The following TTI1 variants were observed in gnomAD, a reference collection of about 807,000 sequenced individuals.
TTI1 encodes the protein TELO2-interacting protein 1 homolog.
Under a neutral mutation model 85.4 loss-of-function variants are expected in TTI1, and 52 were observed. That is an observed-to-expected ratio of 0.61 (90% confidence interval 0.49 to 0.77). TTI1 has a LOEUF of 0.77. Among genes scored for constraint, TTI1 ranks in the 30% least tolerant of loss-of-function variants. The pLI, the probability that TTI1 is intolerant of heterozygous loss-of-function variation, is 0.00. For missense variants in TTI1, 1,173 were observed against 1,296.0 expected (o/e 0.91, Z 1.46); for synonymous variants, 512 against 503.9 (o/e 1.02, Z -0.22).
At position 38,013,809 on chromosome 20, in the gene TTI1, A is replaced by T; in HGVS notation, c.8T>A (p.Val3Asp). 6.2e-7 allele frequency: 1 copy of T among 1,610,264 alleles called. No individual in the cohort carries two copies. The highest frequency in any genetic ancestry group is 8.5e-7 in the Non-Finnish European group (1 of 1,178,068). ...AAAGGCCTCCTCAGGAGTATCAAAA[A>T]CTGCCATTGTGCAGCAGCCTTCCCC... Reference protein sequence around the residue: MAVFDTPEEAFGV... With the variant: MADFDTPEEAFGV... The change falls in exon 2 of 8, where the codon GTT (valine) becomes GAT (aspartate). Residue 3 changes from valine to aspartate, a missense_variant. Val to Asp is a radical substitution (Grantham distance 152). Coordinates refer to ENST00000373447, the MANE Select transcript of TTI1 (RefSeq NM_001303457.2).
At chr20:38,009,902 T>C (rs2073558267) in intron 2 of TTI1, among the ~76,000 whole-genome samples, 1 of 152,238 alleles carries the variant, frequency 6.6e-6, no homozygotes, top group Non-Finnish European at 1.5e-5. Flanking sequence ...AGAGAGGCCC[T>C]CCCTGACCAC....
chr20:38,002,531 T>C (rs2073439947), intron 4 of TTI1, 97 bp downstream of exon 4: 2 of 1,494,164 alleles, frequency 1.3e-6, no homozygotes, highest in East Asian at 4.6e-5. Context: ...GACCAGGAGA[T>C]AAGGGGAGCT....
chr20:38,002,159 C>T lies in TTI1; in HGVS notation c.2652+469G>A, dbSNP rs574467162. ...CTGCATCCTGTTATTGCAGTCACTA[C>T]TACATGCTTTCAGCCCTTGCTGATG... is the stretch of plus-strand genomic sequence containing the variant. On this transcript the variant is annotated intron_variant, in intron 4 of 7. Transcript: ENST00000373447. Among the ~76,000 whole-genome samples the T allele has an allele frequency of 6.6e-5, 10 of 152,284 alleles. No homozygotes were observed. In the South Asian group the frequency reaches 2.1e-3, roughly 32 times the overall value.
chr20:38,028,623 T>C lies in TTI1; in HGVS notation c.-42+4781A>G, dbSNP rs183794529. Among the ~76,000 whole-genome samples, 170 of 152,322 alleles carry C rather than the reference T, an allele frequency of 1.1e-3. 1 individual carries two copies. Among genetic ancestry groups the C allele is most frequent in the Non-Finnish European group, 2.0e-3 (139 of 68,032 alleles). ...ACTAGACCAAAAATCCACAAGGATATAGAAAAACCACCACCATCAACCAAC... is the reference window on the plus strand; with the variant it reads ...ACTAGACCAAAAATCCACAAGGATACAGAAAAACCACCACCATCAACCAAC... On this transcript the variant is annotated intron_variant, in intron 1 of 7. Coordinates refer to ENST00000373447, the MANE Select transcript of TTI1 (RefSeq NM_001303457.2).
At chr20:38,020,044 A>T (rs1371680510) in intron 1 of TTI1, among the ~76,000 whole-genome samples, 1 of 152,142 alleles carries the variant, frequency 6.6e-6, no homozygotes, top group Admixed American at 6.5e-5. Flanking sequence ...AATGCAAAGG[A>T]CCCAAAATAG....
chr20:37,996,494 C>A (rs2073340429), intron 6 of TTI1, 32 bp from the exon 7 acceptor site: 1 of 1,608,940 alleles, frequency 6.2e-7, no homozygotes, highest in South Asian at 1.1e-5. Context: ...CAAGCATCAG[C>A]CCTTACACTT....
chr20:37,999,383 A>C lies in TTI1; in HGVS notation c.2653-55T>G. 3 of 1,334,186 alleles carry C rather than the reference A, an allele frequency of 2.2e-6. No individual in the cohort carries two copies. In the South Asian group the frequency reaches 7.4e-5, roughly 33 times the overall value. The allele number at this position is 1,334,186 out of a possible 1,614,324, so 82.6% of individuals were successfully genotyped here. On this transcript the variant is annotated intron_variant, in intron 4 of 7. Transcript: ENST00000373447. ...ATAGGCTTGAAAACAGATACCTGGG[A>C]TCAAGTCACCATTTTCAAAGAATAA... is the stretch of plus-strand genomic sequence containing the variant.
chr20:37,991,084 T>C (rs944750515), intron 7 of TTI1, among the ~76,000 whole-genome samples: 6 of 152,200 alleles, frequency 3.9e-5, no homozygotes, highest in African/African-American at 1.4e-4. Flanking sequence ...CAGCTCCAGA[T>C]CTGAGTGTAT....
At chr20:38,011,348 T>C (rs1037360569) in intron 2 of TTI1, among the ~76,000 whole-genome samples, 167 bp downstream of exon 2, 2 of 152,100 alleles carry the variant, frequency 1.3e-5, no homozygotes, top group Non-Finnish European at 2.9e-5. Context: ...ACTGAAAGTA[T>C]AAAAGATAAA....
chr20:37,989,492 G>A (rs887295925), intron 7 of TTI1, among the ~76,000 whole-genome samples: 5 of 152,206 alleles, frequency 3.3e-5, no homozygotes, highest in African/African-American at 9.7e-5. Context: ...TCAAAAATAA[G>A]CCAGAATCTA....
intron 5 of TTI1, among the ~76,000 whole-genome samples, chr20:37,998,104 AT>A (rs2122517244): frequency 6.6e-6 from 1 of 152,088 alleles, no homozygotes; most frequent in African/African-American, 2.4e-5. Flanking sequence ...TAATTTTTGT[AT>A]TTTTAGTGGA....
At chr20:38,011,152 C>T (rs2073580404) in intron 2 of TTI1, among the ~76,000 whole-genome samples, 2 of 152,178 alleles carry the variant, frequency 1.3e-5, no homozygotes, top group Admixed American at 6.5e-5. Context: ...AAGCAGTTTG[C>T]TATACTGGAA....
intron 1 of TTI1, among the ~76,000 whole-genome samples, chr20:38,018,332 C>T (rs901919896): frequency 3.9e-5 from 6 of 151,992 alleles, no homozygotes; most frequent in Non-Finnish European, 8.8e-5. Flanking sequence ...ACTACAGTAT[C>T]TATAATTAAG....
intron 5 of TTI1, among the ~76,000 whole-genome samples, chr20:37,998,959 G>A (rs978519155): frequency 6.6e-6 from 1 of 152,216 alleles, no homozygotes; most frequent in Non-Finnish European, 1.5e-5. Context: ...ACTCCTTTGT[G>A]GAGGAGTGCT....
intron 1 of TTI1, among the ~76,000 whole-genome samples, chr20:38,014,437 C>T (rs971845671): frequency 6.6e-6 from 1 of 152,128 alleles, no homozygotes; most frequent in African/African-American, 2.4e-5. Flanking sequence ...ACTCTTATGA[C>T]TTCTATCACT....
At chr20:38,007,572 C>T (rs1474171649) in intron 2 of TTI1, among the ~76,000 whole-genome samples, 1 of 152,184 alleles carries the variant, frequency 6.6e-6, no homozygotes, top group Non-Finnish European at 1.5e-5. Context: ...TCAAAAAAGG[C>T]TCTTAATACT....
intron 1 of TTI1, among the ~76,000 whole-genome samples, chr20:38,014,591 C>T (rs985715247): frequency 2.6e-5 from 4 of 152,034 alleles, no homozygotes; most frequent in East Asian, 1.9e-4. Flanking sequence ...CAACATAAAG[C>T]GAAAGGGGGT....
chr20:38,004,316 G>C (rs1178896053), intron 3 of TTI1, among the ~76,000 whole-genome samples: 4 of 152,160 alleles, frequency 2.6e-5, no homozygotes, highest in Non-Finnish European at 5.9e-5. Flanking sequence ...TGCCAACCCT[G>C]ATTACCAGCT....
intron 7 of TTI1, chr20:37,987,320 C>T (rs1479744248): frequency 6.6e-6 from 3 of 456,632 alleles, no homozygotes; most frequent in South Asian, 1.5e-5. Flanking sequence ...AAGACAAAGA[C>T]AGGACCTCTG....
Sources: gnomAD v4.1 joint callset for allele counts (sites outside exome capture counted in the v4.1 genomes callset) on GRCh38, gnomAD v4.1.1 for gene constraint, MANE v1.5 for transcripts, NCBI Gene and HGNC (gene_info 2026-07-23, HGNC 2026-07-21) for gene names.